The following ARB2A variants were observed in gnomAD, a reference collection of about 807,000 sequenced individuals.
ARB2A encodes ARB2 cotranscriptional regulator A.
chr5:94,104,026 T>C, the ARB2A span, among the ~76,000 whole-genome samples: 2 of 151,128 alleles, frequency 1.3e-5, no homozygotes, highest in Non-Finnish European at 3.0e-5. Flanking sequence ...AAGGAAAGTA[T>C]ATAGCACTAA....
the ARB2A span, among the ~76,000 whole-genome samples, chr5:93,747,124 T>C: frequency 1.3e-5 from 2 of 152,170 alleles, no homozygotes; most frequent in South Asian, 2.1e-4. Flanking sequence ...CACAATAAAA[T>C]ATACTAACAA....
the ARB2A span, among the ~76,000 whole-genome samples, chr5:93,701,314 C>A: frequency 6.6e-6 from 1 of 152,146 alleles, no homozygotes; most frequent in Admixed American, 6.6e-5. Context: ...CAGACACTTT[C>A]AATACGCCCA....
chr5:93,632,551 T>C, the ARB2A span, among the ~76,000 whole-genome samples: 1 of 152,152 alleles, frequency 6.6e-6, no homozygotes, highest in Admixed American at 6.5e-5. Flanking sequence ...GGAAGATCTG[T>C]TTACAGGGTT....
At chr5:93,928,849 T>C in the ARB2A span, among the ~76,000 whole-genome samples, 3 of 152,080 alleles carry the variant, frequency 2.0e-5, no homozygotes, top group Non-Finnish European at 4.4e-5. Flanking sequence ...ATGGGCTATA[T>C]GGGAAAAGTA....
the ARB2A span, among the ~76,000 whole-genome samples, chr5:93,836,398 C>T: frequency 2.6e-5 from 4 of 152,188 alleles, no homozygotes; most frequent in Non-Finnish European, 5.9e-5. Flanking sequence ...ACAGATATGG[C>T]TCTAATCCAG....
At chr5:94,090,945 G>T in the ARB2A span, among the ~76,000 whole-genome samples, 2 of 151,940 alleles carry the variant, frequency 1.3e-5, no homozygotes, top group Non-Finnish European at 2.9e-5. Flanking sequence ...TAAAGAAGGC[G>T]CTTCCTTTGG....
the ARB2A span, among the ~76,000 whole-genome samples, chr5:93,704,472 G>A: frequency 6.6e-6 from 1 of 152,320 alleles, no homozygotes; most frequent in South Asian, 2.1e-4. Context: ...GCTGAGAGGG[G>A]AGGATCGCTT....
chr5:93,729,720 T>C, the ARB2A span, among the ~76,000 whole-genome samples: 7 of 152,158 alleles, frequency 4.6e-5, no homozygotes, highest in Non-Finnish European at 1.0e-4. Flanking sequence ...TCTAGTTAGA[T>C]AATGTAATAA....
At chr5:94,087,297 C>T in the ARB2A span, among the ~76,000 whole-genome samples, 5 of 151,996 alleles carry the variant, frequency 3.3e-5, no homozygotes, top group African/African-American at 4.8e-5. Context: ...ATCCCACCTA[C>T]TCGGGGGGCT....
the ARB2A span, among the ~76,000 whole-genome samples, chr5:93,955,983 T>C: frequency 6.6e-6 from 1 of 152,230 alleles, no homozygotes; most frequent in Non-Finnish European, 1.5e-5. Flanking sequence ...ACTCTAAAGC[T>C]GCACAATCAG....
At chr5:93,667,996 C>T in the ARB2A span, among the ~76,000 whole-genome samples, 8 of 152,184 alleles carry the variant, frequency 5.3e-5, no homozygotes, top group African/African-American at 1.9e-4. Context: ...TTTATACAAT[C>T]TAATCTCAAT....
the ARB2A span, among the ~76,000 whole-genome samples, chr5:93,999,145 T>C: frequency 6.6e-6 from 1 of 151,980 alleles, no homozygotes; most frequent in Non-Finnish European, 1.5e-5. Context: ...ATAATCTCTT[T>C]CCACTGAAAG....
At chr5:93,839,656 C>A in the ARB2A span, among the ~76,000 whole-genome samples, 6 of 144,562 alleles carry the variant, frequency 4.2e-5, no homozygotes, top group African/African-American at 1.5e-4. Flanking sequence ...CGGTCCTGGG[C>A]TTTTTTTTTT....
the ARB2A span, among the ~76,000 whole-genome samples, chr5:93,689,893 C>A: frequency 6.6e-6 from 1 of 152,106 alleles, no homozygotes; most frequent in South Asian, 2.1e-4. Context: ...ACAGTGGGTG[C>A]AGCCTATGGA....
chr5:93,660,029 GTT>G, the ARB2A span, among the ~76,000 whole-genome samples: 3 of 144,378 alleles, frequency 2.1e-5, no homozygotes, highest in African/African-American at 5.1e-5. Flanking sequence ...ATAGAATAGA[GTT>G]TTTTTTTTTT....
chr5:94,064,880 T>A, the ARB2A span, among the ~76,000 whole-genome samples: 2 of 152,010 alleles, frequency 1.3e-5, no homozygotes, highest in Non-Finnish European at 2.9e-5. Flanking sequence ...TCTAGCACCA[T>A]GTAAAGGCAC....
At chr5:93,747,590 C>T in the ARB2A span, among the ~76,000 whole-genome samples, 1 of 152,092 alleles carries the variant, frequency 6.6e-6, no homozygotes, top group Non-Finnish European at 1.5e-5. Flanking sequence ...AAACTGAATC[C>T]TCTTCCAGTC....
the ARB2A span, among the ~76,000 whole-genome samples, chr5:93,702,556 C>T: frequency 3.2e-4 from 49 of 152,136 alleles, no homozygotes; most frequent in Admixed American, 2.0e-4. Context: ...CTTTTCATAG[C>T]CAAATCCCTA....
At chr5:93,862,034 TAAAC>T in the ARB2A span, 1 of 152,158 alleles carries the variant, frequency 6.6e-6, no homozygotes, top group East Asian at 1.9e-4. Context: ...CAGGTAAAAA[TAAAC>T]AAATCTTTGC....
Sources: gnomAD v4.1 joint callset for allele counts (sites outside exome capture counted in the v4.1 genomes callset) on GRCh38, gnomAD v4.1.1 for gene constraint, MANE v1.5 for transcripts, NCBI Gene and HGNC (gene_info 2026-07-23, HGNC 2026-07-21) for gene names.